FREM3: variants seen among roughly 807,000 people sequenced by gnomAD.
FREM3 encodes FRAS1-related extracellular matrix protein 3.
Under a neutral mutation model 129.1 loss-of-function variants are expected in FREM3, and 105 were observed. The ratio of observed to expected loss-of-function variants is 0.81; its 90% CI spans 0.69 to 0.96. The LOEUF (loss-of-function observed/expected upper bound fraction) is 0.96. Among genes scored for constraint, FREM3 ranks in the 40% least tolerant of loss-of-function variants. FREM3 has a pLI of 0.00. For synonymous variants in FREM3, 1,014 were observed against 1,044.9 expected (o/e 0.97, Z 0.57); for missense variants, 2,593 against 2,666.3 (o/e 0.97, Z 0.61).
intron 2 of FREM3, among the ~76,000 whole-genome samples, chr4:143,654,473 A>G (rs1739564886): frequency 6.6e-6 from 1 of 152,208 alleles, no homozygotes; most frequent in Admixed American, 6.5e-5. Context: ...ACGTTATTGA[A>G]ATGAGTGAGA....
At position 143,615,397 on chromosome 4, in the gene FREM3, A is replaced by T. The variant is rs868188511; in HGVS notation, c.5780-3870T>A. On this transcript the variant is annotated intron_variant, in intron 5 of 7. Transcript: ENST00000329798. The stretch of plus-strand genomic sequence containing the variant: ...CAAGCAATCACCCTCTTTAAAGTGC[A>T]GCAGCTAACACCTCATTGGAGCAGG... 9.8e-5 allele frequency among the ~76,000 whole-genome samples: 15 copies of T among 152,354 alleles called. No homozygotes were observed. In the South Asian group the frequency reaches 2.9e-3, roughly 29 times the overall value.
intron 6 of FREM3, among the ~76,000 whole-genome samples, chr4:143,594,744 C>G (rs945203977): frequency 3.3e-5 from 5 of 152,112 alleles, no homozygotes; most frequent in African/African-American, 1.2e-4. Flanking sequence ...GGTAGTGTCA[C>G]TTGGAAAAAA....
At chr4:143,658,486 A>G (rs1739638992) in intron 2 of FREM3, among the ~76,000 whole-genome samples, 1 of 152,166 alleles carries the variant, frequency 6.6e-6, no homozygotes, top group Admixed American at 6.5e-5. Flanking sequence ...CATCTAATTT[A>G]TGGTGTTTTG....
intron 2 of FREM3, among the ~76,000 whole-genome samples, chr4:143,660,910 T>A (rs557412891): frequency 6.6e-6 from 1 of 152,056 alleles, no homozygotes; most frequent in Non-Finnish European, 1.5e-5. Flanking sequence ...TATAAGAATG[T>A]TTGTGATTTT....
At chr4:143,673,777 A>C (rs1242750274) in intron 2 of FREM3, among the ~76,000 whole-genome samples, 2 of 152,208 alleles carry the variant, frequency 1.3e-5, no homozygotes, top group Non-Finnish European at 2.9e-5. Flanking sequence ...TTACCTACTC[A>C]AGCCTCAGCA....
intron 4 of FREM3, among the ~76,000 whole-genome samples, chr4:143,622,540 G>A (rs952747339): frequency 1.3e-5 from 2 of 150,402 alleles, no homozygotes; most frequent in African/African-American, 4.9e-5. Flanking sequence ...GCAGATATAA[G>A]TATCAACCTC....
chr4:143,697,573 A>G lies in FREM3; in HGVS notation c.3103T>C (p.Phe1035Leu), dbSNP rs199952229. 235 of 1,537,436 alleles carry G rather than the reference A, an allele frequency of 1.5e-4. No individual in the cohort carries two copies. The highest frequency in any genetic ancestry group is 3.2e-5 in the Non-Finnish European group (37 of 1,146,984). The stretch of plus-strand genomic sequence containing the variant: ...GAATCTTTGGAGAGGATGAGGCTGA[A>G]GGCATCGTGCTGCTTTTGAAAACCA... The part of the protein sequence containing the change: ...EVGFQKQHDA[F>L]SLILSKDSYQ... The change falls in exon 1 of 8, where the codon TTC becomes CTC. Residue 1035 changes from phenylalanine (F) to leucine (L), a missense_variant. Physicochemically the swap from Phe to Leu is conservative, Grantham distance 22 (BLOSUM62 0). Transcript: ENST00000329798.
intron 2 of FREM3, among the ~76,000 whole-genome samples, chr4:143,666,543 T>C (rs1389207197): frequency 2.0e-5 from 3 of 152,152 alleles, no homozygotes; most frequent in African/African-American, 7.2e-5. Flanking sequence ...AACGGAATAT[T>C]ATTCAGCGTA....
intron 2 of FREM3, among the ~76,000 whole-genome samples, chr4:143,675,127 C>A (rs1178173979): frequency 1.3e-5 from 2 of 152,092 alleles, no homozygotes; most frequent in African/African-American, 2.4e-5. Context: ...CAAAATTGAC[C>A]ACATAGTTGG....
At chr4:143,660,807 G>T (rs200216267) in intron 2 of FREM3, among the ~76,000 whole-genome samples, 1 of 152,114 alleles carries the variant, frequency 6.6e-6, no homozygotes, top group East Asian at 1.9e-4. Flanking sequence ...CACGTCCCTT[G>T]TAAGTTGGAT....
intron 2 of FREM3, among the ~76,000 whole-genome samples, chr4:143,674,809 T>C (rs1727418032): frequency 6.6e-6 from 1 of 152,126 alleles, no homozygotes; most frequent in African/African-American, 2.4e-5. Flanking sequence ...CACTACATAA[T>C]GGTAAAGGGA....
At chr4:143,654,835 G>A (rs1414417103) in intron 2 of FREM3, among the ~76,000 whole-genome samples, 1 of 152,134 alleles carries the variant, frequency 6.6e-6, no homozygotes, top group Non-Finnish European at 1.5e-5. Context: ...AACTGTATTT[G>A]CAAACTTGTG....
At chr4:143,589,932 A>G (rs1738326265) in intron 6 of FREM3, among the ~76,000 whole-genome samples, 1 of 152,098 alleles carries the variant, frequency 6.6e-6, no homozygotes, top group Non-Finnish European at 1.5e-5. Context: ...AGTGGTTTGT[A>G]GTTCTCCTTG....
At position 143,587,369 on chromosome 4, in the gene FREM3, CT is replaced by C. The variant is rs1443612880; in HGVS notation, c.6029-1377del. Among the ~76,000 whole-genome samples the C allele has an allele frequency of 2.6e-5, 4 of 152,348 alleles. No homozygotes were observed. The East Asian group carries it at 5.8e-4, about 22-fold the overall frequency. On this transcript the variant is annotated intron_variant, in intron 6 of 7. Coordinates refer to ENST00000329798, the MANE Select transcript of FREM3 (RefSeq NM_001168235.2). The stretch of plus-strand genomic sequence containing the variant: ...TCTATAACTGTAGTGATGGAATACA[CT>C]TGCAATTTGCTCACCTCAGGCATAC...
At chr4:143,593,453 AGT>A (rs1738403894) in intron 6 of FREM3, among the ~76,000 whole-genome samples, 20 of 150,054 alleles carry the variant, frequency 1.3e-4, no homozygotes, top group Non-Finnish European at 1.5e-5. Flanking sequence ...TCCTTCTAAC[AGT>A]CAGGACCCTC....
chr4:143,601,576 T>C (rs1411173085), intron 6 of FREM3, among the ~76,000 whole-genome samples: 1 of 152,172 alleles, frequency 6.6e-6, no homozygotes, highest in Non-Finnish European at 1.5e-5. Flanking sequence ...GATTAACAAG[T>C]GTTCTCAATT....
intron 3 of FREM3, among the ~76,000 whole-genome samples, chr4:143,627,370 AAG>A (rs1739058084): frequency 6.6e-6 from 1 of 152,174 alleles, no homozygotes; most frequent in Admixed American, 6.5e-5. Flanking sequence ...TGAGTTATAA[AAG>A]AGAGAAAGAT....
rs750809003 is a variant in FREM3 at position 143,595,889 on chromosome 4, G to GGAA, written c.6029-9897_6029-9896insTTC. 1.4e-4 allele frequency among the ~76,000 whole-genome samples: 15 copies of GGAA among 110,668 alleles called. 1 individual carries two copies. Among genetic ancestry groups the GGAA allele is most frequent in the South Asian group, 3.0e-4 (1 of 3,382 alleles). 72.6% of individuals were successfully genotyped at this position (110,668 alleles called of 152,430 possible). A position where few individuals can be genotyped will look rare whatever the true frequency, so the allele number is the denominator to read the frequency against. On this transcript the variant is annotated intron_variant, in intron 6 of 7. Coordinates refer to ENST00000329798, the MANE Select transcript of FREM3 (RefSeq NM_001168235.2). ...GGCGACAGAGCGAGACGCCATCTCA[G>GGAA]AAAAAAAAAAAAAAAGAAGGAACTG...
chr4:143,603,148 G>A (rs1738602488), intron 6 of FREM3, among the ~76,000 whole-genome samples: 1 of 152,100 alleles, frequency 6.6e-6, no homozygotes, highest in South Asian at 2.1e-4. Flanking sequence ...CATGTCTCTT[G>A]TGGGTCTGCA....
Sources: gnomAD v4.1 joint callset for allele counts (sites outside exome capture counted in the v4.1 genomes callset) on GRCh38, gnomAD v4.1.1 for gene constraint, MANE v1.5 for transcripts, NCBI Gene and HGNC (gene_info 2026-07-23, HGNC 2026-07-21) for gene names.